The following NR1I3 variants were observed in gnomAD, a reference collection of about 807,000 sequenced individuals.
NR1I3 encodes the protein constitutive activator of retinoid response.
A neutral mutation model predicts 38.4 loss-of-function variants in NR1I3; 30 were observed. That is an observed-to-expected ratio of 0.78 (90% CI 0.58 to 1.06). NR1I3 has a LOEUF of 1.06. Ranked by LOEUF, NR1I3 falls within the 50% of genes least tolerant of loss-of-function variation. The pLI, the probability that NR1I3 is intolerant of heterozygous loss-of-function variation, is 0.00. For missense variants in NR1I3, 388 were observed against 435.7 expected, an observed-to-expected ratio of 0.89 and a Z score of 0.97; for synonymous variants, 143 against 165.1, an observed-to-expected ratio of 0.87 and a Z score of 1.03.
chr1:161,230,673 G>T, intron 8 of NR1I3, 140 bp downstream of exon 8: 2 of 1,060,916 alleles, frequency 1.9e-6, no homozygotes, highest in Non-Finnish European at 2.7e-6. Context: ...GACAGGGATG[G>T]CCAGGGGGAA....
At chr1:161,233,377 C>T (rs775834431) in intron 3 of NR1I3, 39 bp from the exon 4 acceptor site, 1 of 1,597,122 alleles carries the variant, frequency 6.3e-7, no homozygotes, top group Non-Finnish European at 8.5e-7. Flanking sequence ...CTGTTGAGAC[C>T]AGCAGAGCAT....
At chr1:161,230,952 G>T in intron 7 of NR1I3, 34 bp from the exon 8 acceptor site, 1 of 1,613,556 alleles carries the variant, frequency 6.2e-7, no homozygotes, top group East Asian at 2.2e-5. Flanking sequence ...GACAAGTTGG[G>T]TGGCAGGGGT....
Position 161,231,350 on chromosome 1 carries a change from T to A in NR1I3, c.673A>T (p.Thr225Ser). ...TCACCACGGGCTCCATCTTCAATTG[T>A]GTAGCGAAGAGGCCCGCAGAGGAAG... ...QNFLCGPLRY[T>S]IEDGARVGFQ... Residue 225 changes from threonine to serine, a missense_variant, in exon 6 of 9, where the codon ACA (threonine) becomes TCA (serine). By Grantham distance (58) the Thr-to-Ser change is moderately conservative. Transcript: ENST00000367983. The A allele has an allele frequency of 6.4e-7, 1 of 1,573,886 alleles. No homozygotes were observed. The highest frequency in any genetic ancestry group is 8.6e-7 in the Non-Finnish European group (1 of 1,161,790).
chr1:161,237,844 T>C (rs1294927321), intron 1 of NR1I3, among the ~76,000 whole-genome samples, 197 bp downstream of exon 1: 1 of 152,176 alleles, frequency 6.6e-6, no homozygotes, highest in African/African-American at 2.4e-5. Flanking sequence ...CTCCCGCGCC[T>C]GGCCTCTTTT....
chr1:161,236,710 G>T, intron 1 of NR1I3, 112 bp from the exon 2 acceptor site: 1 of 1,078,638 alleles, frequency 9.3e-7, no homozygotes, highest in Non-Finnish European at 1.3e-6. Flanking sequence ...CTTGATCCCT[G>T]GCGTTATCTT....
chr1:161,234,908 G>A (rs949348271), intron 3 of NR1I3, among the ~76,000 whole-genome samples: 46 of 152,312 alleles, frequency 3.0e-4, no homozygotes, highest in African/African-American at 9.9e-4. Context: ...GGGAGGCGGA[G>A]GTGGGCAGAT....
At chr1:161,230,025 G>T in intron 8 of NR1I3, 99 bp from the exon 9 acceptor site, 1 of 1,417,256 alleles carries the variant, frequency 7.1e-7, no homozygotes, top group Non-Finnish European at 9.8e-7. Context: ...ATTCCTCAGT[G>T]AAGCCAGGTC....
rs1667161723 is a variant in NR1I3, at chr1:161,231,156, C to G, written c.772G>C (p.Glu258Gln). ...TLRKLQLQEP[E>Q]YVLLAAMALF... ...GCCATGGCAGCCAAGAGCACATACTCAGGCTCTTGGAGCTGCAGTTTTCGT... is the reference window on the plus strand; with the variant it reads ...GCCATGGCAGCCAAGAGCACATACTGAGGCTCTTGGAGCTGCAGTTTTCGT... Residue 258 changes from glutamate (E) to glutamine (Q), a missense_variant, in exon 7 of 9, where the codon GAG becomes CAG. Coordinates refer to ENST00000367983, the MANE Select transcript of NR1I3 (RefSeq NM_005122.5). 2 of 1,614,048 alleles carry G rather than the reference C, an allele frequency of 1.2e-6. No homozygotes were observed. The highest frequency in any genetic ancestry group is 1.7e-6 in the Non-Finnish European group (2 of 1,180,028).
At chr1:161,230,611 A>G in intron 8 of NR1I3, 1 of 671,706 alleles carries the variant, frequency 1.5e-6, no homozygotes, top group South Asian at 1.9e-5. Flanking sequence ...GGAAAAAGTG[A>G]GATGAAACAG....
intron 5 of NR1I3, 22 bp downstream of exon 5, chr1:161,232,785 A>G: frequency 3.1e-6 from 5 of 1,613,256 alleles, no homozygotes; most frequent in Middle Eastern, 1.6e-4. Context: ...TGCCTCCTGA[A>G]AGATGAGGGG....
rs758672635 is a variant in NR1I3 at position 161,235,896 on chromosome 1, G to T, written c.189C>A (p.Cys63Ter). The T allele has an allele frequency of 1.2e-6, 2 of 1,614,128 alleles. No homozygotes were observed. The highest frequency in any genetic ancestry group is 1.7e-6 in the Non-Finnish European group (2 of 1,179,992). ...AGCACTTCTGCAACCTGCAGGCTGGGCAGTGGCGCCTCTGAGTCTTGCTGA... is the reference window on the plus strand; with the variant it reads ...AGCACTTCTGCAACCTGCAGGCTGGTCAGTGGCGCCTCTGAGTCTTGCTGA... ...CEVSKTQRRH[C>*]PACRLQKCLD... The change falls in exon 3 of 9, where the codon TGC becomes TGA. Residue 63 changes from cysteine to a stop codon, truncating the protein, a stop_gained. Coordinates refer to ENST00000367983, the MANE Select transcript of NR1I3 (RefSeq NM_005122.5). LOFTEE classifies it high-confidence loss of function.
intron 1 of NR1I3, among the ~76,000 whole-genome samples, 181 bp downstream of exon 1, chr1:161,237,859 CT>C (rs1254178801): frequency 1.3e-5 from 2 of 151,912 alleles, no homozygotes; most frequent in Non-Finnish European, 2.9e-5. Flanking sequence ...TCTTTTCTTT[CT>C]TTTTTGTAGA....
chr1:161,236,524 A>T lies in NR1I3; in HGVS notation c.42T>A (p.Cys14Ter). The T allele has an allele frequency of 1.9e-6, 3 of 1,614,174 alleles. No homozygotes were observed. Among genetic ancestry groups the T allele is most frequent in the Non-Finnish European group, 2.5e-6 (3 of 1,180,024 alleles). Residue 14 changes from cysteine (C) to a stop codon, truncating the protein, a stop_gained, in exon 2 of 9, where the codon TGT (cysteine) becomes TGA (stop). Coordinates refer to ENST00000367983, the MANE Select transcript of NR1I3 (RefSeq NM_005122.5). LOFTEE classifies it high-confidence loss of function. ...AGTGGTAGCCTGTGGCTTGGTCCCCACATACCACACAGTTCCTCAGCTCAT... is the reference window on the plus strand; with the variant it reads ...AGTGGTAGCCTGTGGCTTGGTCCCCTCATACCACACAGTTCCTCAGCTCAT... ...REDELRNCVV[C>*]GDQATGYHFN... is the part of the protein sequence containing the mutation.
chr1:161,236,970 AT>A (rs10629312), intron 1 of NR1I3, among the ~76,000 whole-genome samples: 212 of 136,472 alleles, frequency 1.6e-3, no homozygotes, highest in Non-Finnish European at 2.5e-3. Context: ...TTTTTTGTTT[AT>A]TTTTTTTTGT....
At position 161,232,965 on chromosome 1, in the gene NR1I3, T is replaced by C. The variant is rs777116268; in HGVS notation, c.409-19A>G. On this transcript the variant is annotated intron_variant, in intron 4 of 8. Coordinates refer to ENST00000367983, the MANE Select transcript of NR1I3 (RefSeq NM_005122.5). ...CTGGAGGCTGCAATGATCAGAACATTAGCTAGAGGCTCTGGCCCTAGGGCC... is the reference window on the plus strand; with the variant it reads ...CTGGAGGCTGCAATGATCAGAACATCAGCTAGAGGCTCTGGCCCTAGGGCC... 16 of 1,613,830 alleles carry C rather than the reference T, an allele frequency of 9.9e-6. No individual in the cohort carries two copies. Among genetic ancestry groups the C allele is most frequent in the Non-Finnish European group, 1.4e-5 (16 of 1,179,914 alleles).
At chr1:161,234,343 G>A (rs1668138235) in intron 3 of NR1I3, among the ~76,000 whole-genome samples, 1 of 151,960 alleles carries the variant, frequency 6.6e-6, no homozygotes, top group African/African-American at 2.4e-5. Flanking sequence ...TTAGATTCTG[G>A]TGACAGAACC....
Position 161,233,376 on chromosome 1 carries a change from C to G in NR1I3, c.239-38G>C, listed in dbSNP as rs201658937. ...AGAGATCATGACAAAGCTGTTGAGACCAGCAGAGCATTTCTCTCTGCTGGT... is the reference window on the plus strand; with the variant it reads ...AGAGATCATGACAAAGCTGTTGAGAGCAGCAGAGCATTTCTCTCTGCTGGT... On this transcript the variant is annotated intron_variant, in intron 3 of 8. Transcript: ENST00000367983. 2.1e-5 allele frequency: 33 copies of G among 1,597,578 alleles called. No homozygotes were observed. The African/African-American group carries it at 3.7e-4, about 18-fold the overall frequency.
chr1:161,233,703 T>G (rs562178270), intron 3 of NR1I3, among the ~76,000 whole-genome samples: 2 of 152,150 alleles, frequency 1.3e-5, no homozygotes, highest in South Asian at 4.1e-4. Flanking sequence ...CAAATAATCC[T>G]TCAAAAATAA....
chr1:161,233,253 C>T lies in NR1I3; in HGVS notation c.324G>A (p.Lys108=). The change falls in exon 4 of 9, where the codon AAG becomes AAA. Residue 108 remains lysine (K), a synonymous_variant. Coordinates refer to ENST00000367983, the MANE Select transcript of NR1I3 (RefSeq NM_005122.5). Reference sequence around the variant, plus strand: ...GTGTCCGGATCAGCTCTTCTTGCTCCTTACTCAGTTGCACAGGTGTTTGCT... The same window carrying T: ...GTGTCCGGATCAGCTCTTCTTGCTCTTTACTCAGTTGCACAGGTGTTTGCT... The part of the protein sequence containing the change: ...RAQQTPVQLS[K]EQEELIRTLL... The T allele has an allele frequency of 6.2e-7, 1 of 1,614,188 alleles. No homozygotes were observed. Among genetic ancestry groups the T allele is most frequent in the South Asian group, 1.1e-5 (1 of 91,088 alleles).
Sources: allele counts gnomAD v4.1 joint callset (sites outside exome capture counted in the v4.1 genomes callset), GRCh38; gene constraint gnomAD v4.1.1; transcripts MANE v1.5; gene names NCBI Gene and HGNC (gene_info 2026-07-23, HGNC 2026-07-21).